The following MTRR variants were observed in gnomAD, a reference collection of about 807,000 sequenced individuals.
MTRR encodes the protein 5-methyltetrahydrofolate-homocysteine methyltransferase reductase, also known as methionine synthase reductase.
MTRR carries 63 observed loss-of-function variants against 79.2 expected under a neutral mutation model. The observed-to-expected ratio is 0.80, with a 90% CI of 0.65 to 0.98. MTRR has a LOEUF of 0.98. Among genes scored for constraint, MTRR ranks in the 50% least tolerant of loss-of-function variants. The pLI, the probability that MTRR is intolerant of heterozygous loss-of-function variation, is 0.00. For synonymous variants in MTRR, 355 were observed against 313.3 expected, an observed-to-expected ratio of 1.13 and a Z score of -1.41; for missense variants, 895 against 839.6, an observed-to-expected ratio of 1.07 and a Z score of -0.82.
intron 5 of MTRR, among the ~76,000 whole-genome samples, chr5:7,882,015 A>G (rs1317145497): frequency 6.6e-6 from 1 of 152,164 alleles, no homozygotes; most frequent in Non-Finnish European, 1.5e-5. Context: ...CATCTTTCCC[A>G]GGCTACCCTG....
upstream of MTRR, chr5:7,867,704 T>C (rs1393035015): frequency 2.5e-6 from 4 of 1,614,218 alleles, no homozygotes; most frequent in Non-Finnish European, 8.5e-7. Context: ...TGCCATAGTG[T>C]CAGGCAGGGT....
chr5:7,879,680 CAG>C (rs961503316), intron 5 of MTRR, among the ~76,000 whole-genome samples: 6 of 152,046 alleles, frequency 3.9e-5, no homozygotes, highest in Admixed American at 2.6e-4. Context: ...CCTTGAGGCA[CAG>C]AGGGGTTGGA....
chr5:7,867,698 ATAGTGTCAGGCAGGGT>A, upstream of MTRR: 1 of 1,614,198 alleles, frequency 6.2e-7, no homozygotes, highest in Non-Finnish European at 8.5e-7. Flanking sequence ...TCCTGCTGCC[ATAGTGTCAGGCAGGGT>A]TTCCATCGTG....
chr5:7,851,931 C>T (rs935031134), intron 1 of MTRR, among the ~76,000 whole-genome samples: 2 of 152,180 alleles, frequency 1.3e-5, no homozygotes, highest in African/African-American at 4.8e-5. Flanking sequence ...CTTTAGCCAG[C>T]GTGCCTGGGA....
At chr5:7,861,797 A>G in intron 1 of MTRR, 3 of 1,376,126 alleles carry the variant, frequency 2.2e-6, no homozygotes, top group Non-Finnish European at 2.8e-6. Flanking sequence ...ACCACAACCA[A>G]ACAATGGTGA....
chr5:7,851,156 C>G (rs1163719475), upstream of MTRR: 4 of 1,116,644 alleles, frequency 3.6e-6, no homozygotes, highest in Non-Finnish European at 3.4e-6. Context: ...TGCCTGGAAA[C>G]CGCCGCCTGG....
chr5:7,881,319 C>T (rs1472772569), intron 5 of MTRR, among the ~76,000 whole-genome samples: 8 of 151,834 alleles, frequency 5.3e-5, no homozygotes, highest in African/African-American at 1.5e-4. Context: ...CTTTAGTGGC[C>T]GAGTGTGTCG....
At chr5:7,867,319 A>G (rs60653965), upstream of MTRR, 102 of 1,613,974 alleles carry the variant, frequency 6.3e-5, no homozygotes, top group African/African-American at 1.2e-3. Context: ...GGGCCACAAT[A>G]TCCTCCGGGG....
intron 9 of MTRR, chr5:7,890,527 A>G: frequency 2.0e-6 from 1 of 490,306 alleles, no homozygotes; most frequent in Non-Finnish European, 2.6e-6. Context: ...TAACAATACC[A>G]CATTACGTAG....
intron 1 of MTRR, among the ~76,000 whole-genome samples, chr5:7,855,497 G>A (rs773331442): frequency 1.3e-5 from 2 of 151,552 alleles, no homozygotes; most frequent in Non-Finnish European, 2.9e-5. Context: ...CTGAATAGAG[G>A]AACTTGCAAA....
Position 7,870,840 on chromosome 5 carries a change from A to G in MTRR, c.46A>G (p.Lys16Glu), listed in dbSNP as rs2126644406. The change falls in exon 2 of 15, where the codon AAG (lysine) becomes GAG (glutamate). Residue 16 changes from lysine to glutamate, a missense_variant. Lys to Glu is a moderately conservative substitution (Grantham distance 56, BLOSUM62 1). Transcript: ENST00000440940. ...ATATGCTACACAGCAGGGACAGGCA[A>G]AGGCCATCGCAGAAGAAATATGTGA... ...LLYATQQGQA[K>E]AIAEEICEQA... 1 of 1,614,242 alleles carries G rather than the reference A, an allele frequency of 6.2e-7. No individual in the cohort carries two copies. The highest frequency in any genetic ancestry group is 1.1e-5 in the South Asian group (1 of 91,088).
Position 7,895,820 on chromosome 5 carries a change from C to T in MTRR, c.1644C>T (p.Gly548=). The T allele has an allele frequency of 1.2e-6, 2 of 1,614,142 alleles. No homozygotes were observed. The highest frequency in any genetic ancestry group is 1.7e-6 in the Non-Finnish European group (2 of 1,180,004). ...TCATAATGGTGGGTCCAGGAACCGG[C>T]ATAGCCCCGTTTATTGGGTTCCTAC... ...IPIIMVGPGT[G]IAPFIGFLQH... The change falls in exon 12 of 15, where the codon GGC becomes GGT. Residue 548 remains glycine, a synonymous_variant. Coordinates refer to ENST00000440940, the MANE Select transcript of MTRR (RefSeq NM_002454.3).
At chr5:7,860,456 T>C (rs1167011666) in intron 1 of MTRR, among the ~76,000 whole-genome samples, 2 of 152,222 alleles carry the variant, frequency 1.3e-5, no homozygotes, top group African/African-American at 4.8e-5. Context: ...AAACAGAACA[T>C]ATATTCCAAC....
At chr5:7,899,832 A>G (rs1240228493) in intron 14 of MTRR, 82 bp from the exon 15 acceptor site, 3 of 1,545,178 alleles carry the variant, frequency 1.9e-6, no homozygotes, top group Non-Finnish European at 2.7e-6. Flanking sequence ...GGTACAGTCA[A>G]AAGGAATTAG....
chr5:7,871,368 G>A lies in MTRR; in HGVS notation c.129+445G>A, dbSNP rs1033408859. Among the ~76,000 whole-genome samples the A allele has an allele frequency of 2.6e-5, 4 of 152,212 alleles. 1 individual carries two copies. The highest frequency in any genetic ancestry group is 9.7e-5 in the African/African-American group (4 of 41,440). On this transcript the variant is annotated intron_variant, in intron 2 of 14. Coordinates refer to ENST00000440940, the MANE Select transcript of MTRR (RefSeq NM_002454.3). ...CTTTTGTGAAATAGAATTTAAAGTA[G>A]TAGTGTAAGGATCTGGAAAAAACTC...
chr5:7,875,028 C>T lies in MTRR; in HGVS notation c.284-230C>T, dbSNP rs373737023. The T allele has an allele frequency of 1.1e-4, 57 of 512,216 alleles. 1 individual carries two copies. The highest frequency in any genetic ancestry group is 4.6e-4 in the East Asian group (13 of 28,490). The allele number at this position is 512,216 out of a possible 1,614,324, so 31.7% of individuals were successfully genotyped here. The stretch of plus-strand genomic sequence containing the variant: ...AATGTGAAGTCTTTTCTTTCAACAG[C>T]GGCCAATAAGTATTTTGTTTCATTA... On this transcript the variant is annotated intron_variant, in intron 3 of 14. Transcript: ENST00000440940.
intron 1 of MTRR, among the ~76,000 whole-genome samples, chr5:7,860,953 T>G (rs563695409): frequency 6.6e-6 from 1 of 152,214 alleles, no homozygotes; most frequent in African/African-American, 2.4e-5. Context: ...TGTGTACTTG[T>G]GTTCTTCCTA....
chr5:7,884,561 T>TC (rs1736106633), intron 6 of MTRR, among the ~76,000 whole-genome samples: 1 of 152,200 alleles, frequency 6.6e-6, no homozygotes, highest in South Asian at 2.1e-4. Context: ...TTTGGTTGAT[T>TC]CTGAGGGTGG....
chr5:7,888,069 ATTTG>A (rs1736923959), intron 8 of MTRR, among the ~76,000 whole-genome samples: 1 of 151,814 alleles, frequency 6.6e-6, no homozygotes, highest in Non-Finnish European at 1.5e-5. Flanking sequence ...ATACACCATT[ATTTG>A]TTGATGTAAT....
Sources: gnomAD v4.1 joint callset for allele counts (sites outside exome capture counted in the v4.1 genomes callset) on GRCh38, gnomAD v4.1.1 for gene constraint, MANE v1.5 for transcripts, NCBI Gene and HGNC (gene_info 2026-07-23, HGNC 2026-07-21) for gene names.